The following ANKRD63 variants were observed in gnomAD, a reference collection of about 807,000 sequenced individuals.
ANKRD63 encodes ankyrin repeat domain 63, also known as ankyrin repeat domain-containing protein 63.
ANKRD63 carries 18 observed loss-of-function variants against 21.2 expected under a neutral mutation model. That is an observed-to-expected ratio of 0.85 (90% CI 0.59 to 1.26). The LOEUF (loss-of-function observed/expected upper bound fraction) is 1.26, where lower values mean the gene tolerates loss of function less well. Among genes scored for constraint, ANKRD63 ranks in the 50% most tolerant of loss-of-function variants. The pLI, the probability that ANKRD63 is intolerant of heterozygous loss-of-function variation, is 0.00. For synonymous variants in ANKRD63, 322 were observed against 273.3 expected, an observed-to-expected ratio of 1.18 and a Z score of -1.76; for missense variants, 523 against 570.9, an observed-to-expected ratio of 0.92 and a Z score of 0.85.
Position 40,281,598 on chromosome 15 carries a change from C to A in ANKRD63, c.989G>T (p.Arg330Leu), listed in dbSNP as rs1487648192. The change falls in exon 1 of 1, where the codon CGC (arginine) becomes CTC (leucine). Residue 330 changes from arginine to leucine, a missense_variant. By Grantham distance (102) the Arg-to-Leu change is moderately radical. Coordinates refer to ENST00000434396, the MANE Select transcript of ANKRD63 (RefSeq NM_001190479.3). ...GCTGGGGATATCTGGGGCTGTGGAG[C>A]GTCGGCGCAAACCCAGGCGGCCAGA... ...PGSGRLGLRR[R>L]STAPDIPSLV... 1.3e-6 allele frequency: 2 copies of A among 1,530,740 alleles called. No individual in the cohort carries two copies. Among genetic ancestry groups the A allele is most frequent in the African/African-American group, 1.4e-5 (1 of 72,706 alleles). 94.8% of individuals were successfully genotyped at this position (1,530,740 alleles called of 1,614,324 possible). A position where few individuals can be genotyped will look rare whatever the true frequency, so the allele number is the denominator to read the frequency against.
At position 40,278,457 on chromosome 15, in the gene ANKRD63, G is replaced by A. The variant is rs1216497146; in HGVS notation, c.*2987C>T. 6.6e-6 allele frequency: 1 copy of A among 152,252 alleles called. No individual in the cohort carries two copies. The highest frequency in any genetic ancestry group is 1.5e-5 in the Non-Finnish European group (1 of 68,056). 9.4% of individuals were successfully genotyped at this position (152,252 alleles called of 1,614,324 possible). A position where few individuals can be genotyped will look rare whatever the true frequency, so the allele number is the denominator to read the frequency against. On this transcript the variant is annotated 3_prime_UTR_variant, in exon 1 of 1. Transcript: ENST00000434396. ...CCACACAGTATCACTCTGAAAGGGT[G>A]TGCATGTCTCACAGCTCACACACAC...
rs1222140335 is a variant in ANKRD63 at position 40,281,394 on chromosome 15, G to A, written c.*50C>T. On this transcript the variant is annotated 3_prime_UTR_variant, in exon 1 of 1. Coordinates refer to ENST00000434396, the MANE Select transcript of ANKRD63 (RefSeq NM_001190479.3). ...GGACCTAGAAGAGAGAAATACCAGT[G>A]GAGTAGAAACGGGAGGGTAGGGGAA... 2.3e-6 allele frequency: 3 copies of A among 1,327,966 alleles called. No individual in the cohort carries two copies. Among genetic ancestry groups the A allele is most frequent in the Non-Finnish European group, 2.9e-6 (3 of 1,034,410 alleles). The allele number at this position is 1,327,966 out of a possible 1,614,324, so 82.3% of individuals were successfully genotyped here.
rs1333677099 is a variant in ANKRD63 at position 40,281,727 on chromosome 15, G to A, written c.860C>T (p.Ser287Leu). 2 of 1,534,990 alleles carry A rather than the reference G, an allele frequency of 1.3e-6. No individual in the cohort carries two copies. The highest frequency in any genetic ancestry group is 2.4e-5 in the East Asian group (1 of 40,898). The change falls in exon 1 of 1, where the codon TCG (serine) becomes TTG (leucine). Residue 287 changes from serine to leucine, a missense_variant. Physicochemically the swap from Ser to Leu is moderately radical, Grantham distance 145. Coordinates refer to ENST00000434396, the MANE Select transcript of ANKRD63 (RefSeq NM_001190479.3). ...CTGTGAGCGCCACCGCCCAGTCCCCGAAGACTGGGGCGAGTTTGGTAGGGC... is the reference window on the plus strand; with the variant it reads ...CTGTGAGCGCCACCGCCCAGTCCCCAAAGACTGGGGCGAGTTTGGTAGGGC... ...LMALPNSPQS[S>L]GTGRWRSQEV...
rs775792790 is a variant in ANKRD63, at chr15:40,281,711, C to T, written c.876G>A (p.Trp292Ter). The change falls in exon 1 of 1, where the codon TGG (tryptophan) becomes TGA (stop). Residue 292 changes from tryptophan (W) to a stop codon, truncating the protein, a stop_gained. Coordinates refer to ENST00000434396, the MANE Select transcript of ANKRD63 (RefSeq NM_001190479.3). LOFTEE classifies it high-confidence loss of function. ...CTCCCTCCAGCACCTCCTGTGAGCGCCACCGCCCAGTCCCCGAAGACTGGG... is the reference window on the plus strand; with the variant it reads ...CTCCCTCCAGCACCTCCTGTGAGCGTCACCGCCCAGTCCCCGAAGACTGGG... ...NSPQSSGTGR[W>*]RSQEVLEGAP... is the part of the protein sequence containing the mutation. 6.5e-7 allele frequency: 1 copy of T among 1,534,958 alleles called. No individual in the cohort carries two copies. Among genetic ancestry groups the T allele is most frequent in the South Asian group, 1.2e-5 (1 of 83,994 alleles).
rs914931847 is a variant in ANKRD63, at chr15:40,279,988, G to A, written c.*1456C>T. Among the ~76,000 whole-genome samples, 7 of 152,250 alleles carry A rather than the reference G, an allele frequency of 4.6e-5. No individual in the cohort carries two copies. The highest frequency in any genetic ancestry group is 1.7e-4 in the African/African-American group (7 of 41,470). Reference sequence around the variant, plus strand: ...CCAACCCCGCCGCCTCGCTAGGCCAGTATAGGGCAGGAGGGTGGGGGCGAG... The same window carrying A: ...CCAACCCCGCCGCCTCGCTAGGCCAATATAGGGCAGGAGGGTGGGGGCGAG... On this transcript the variant is annotated 3_prime_UTR_variant, in exon 1 of 1. Transcript: ENST00000434396.
At position 40,279,917 on chromosome 15, in the gene ANKRD63, C is replaced by A. The variant is rs1026202469; in HGVS notation, c.*1527G>T. ...CCAGGCGCACTGACACACGTGCTGG[C>A]GCTTCCGCAAGGTCCTAGCGCACCC... On this transcript the variant is annotated 3_prime_UTR_variant, in exon 1 of 1. Coordinates refer to ENST00000434396, the MANE Select transcript of ANKRD63 (RefSeq NM_001190479.3). Among the ~76,000 whole-genome samples, 60 of 152,230 alleles carry A rather than the reference C, an allele frequency of 3.9e-4. No homozygotes were observed. Among genetic ancestry groups the A allele is most frequent in the Non-Finnish European group, 6.9e-4 (47 of 68,042 alleles).
Position 40,280,517 on chromosome 15 carries a change from T to A in ANKRD63, c.*927A>T, listed in dbSNP as rs558263582. Among the ~76,000 whole-genome samples the A allele has an allele frequency of 1.3e-5, 2 of 152,372 alleles. No individual in the cohort carries two copies. The highest frequency in any genetic ancestry group is 3.9e-4 in the East Asian group (2 of 5,190). ...GTTCCACCCCGCGGGAGCACCCACG[T>A]GCGGGACGGGGGAGCTGGGAGGCGT... On this transcript the variant is annotated 3_prime_UTR_variant, in exon 1 of 1. Transcript: ENST00000434396.
rs371979947 is a variant in ANKRD63 at position 40,279,983 on chromosome 15, G to A, written c.*1461C>T. Among the ~76,000 whole-genome samples, 2 of 152,330 alleles carry A rather than the reference G, an allele frequency of 1.3e-5. No homozygotes were observed. Among genetic ancestry groups the A allele is most frequent in the African/African-American group, 4.8e-5 (2 of 41,578 alleles). On this transcript the variant is annotated 3_prime_UTR_variant, in exon 1 of 1. Coordinates refer to ENST00000434396, the MANE Select transcript of ANKRD63 (RefSeq NM_001190479.3). ...CGCCCCCAACCCCGCCGCCTCGCTA[G>A]GCCAGTATAGGGCAGGAGGGTGGGG...
Position 40,279,873 on chromosome 15 carries a change from C to T in ANKRD63, c.*1571G>A, listed in dbSNP as rs1317973644. 6.6e-6 allele frequency among the ~76,000 whole-genome samples: 1 copy of T among 152,244 alleles called. No individual in the cohort carries two copies. Among genetic ancestry groups the T allele is most frequent in the East Asian group, 1.9e-4 (1 of 5,198 alleles). On this transcript the variant is annotated 3_prime_UTR_variant, in exon 1 of 1. Coordinates refer to ENST00000434396, the MANE Select transcript of ANKRD63 (RefSeq NM_001190479.3). ...CCTCAGGGTTCACAAAAGAGCCCCACCTGCCGCCTCCCCGCGGGCCAGGCG... is the reference window on the plus strand; with the variant it reads ...CCTCAGGGTTCACAAAAGAGCCCCATCTGCCGCCTCCCCGCGGGCCAGGCG...
chr15:40,280,833 C>G lies in ANKRD63; in HGVS notation c.*611G>C, dbSNP rs951414717. 2.0e-4 allele frequency among the ~76,000 whole-genome samples: 30 copies of G among 152,258 alleles called. No individual in the cohort carries two copies. Among genetic ancestry groups the G allele is most frequent in the African/African-American group, 7.2e-4 (30 of 41,468 alleles). On this transcript the variant is annotated 3_prime_UTR_variant, in exon 1 of 1. Transcript: ENST00000434396. ...GTGTTCAACACTAGGGACTCTCCCA[C>G]TCCCAAAATATGCTTTCATTGTCTT...
In ANKRD63 at chr15:40,281,423, G is replaced by A; in HGVS notation, c.*21C>T. On this transcript the variant is annotated 3_prime_UTR_variant, in exon 1 of 1. Transcript: ENST00000434396. Reference sequence around the variant, plus strand: ...TAGAAACGGGAGGGTAGGGGAAGCAGGCCTCGGGCCTTGGCGCCGTTTACC... The same window carrying A: ...TAGAAACGGGAGGGTAGGGGAAGCAAGCCTCGGGCCTTGGCGCCGTTTACC... 2 of 1,373,654 alleles carry A rather than the reference G, an allele frequency of 1.5e-6. No homozygotes were observed. The highest frequency in any genetic ancestry group is 2.9e-5 in the East Asian group (1 of 33,956). The allele number at this position is 1,373,654 out of a possible 1,614,324, so 85.1% of individuals were successfully genotyped here.
At position 40,283,048 on chromosome 15, in the gene ANKRD63, G is replaced by A. The variant is rs990970821; in HGVS notation, c.-462C>T. 1.3e-5 allele frequency among the ~76,000 whole-genome samples: 2 copies of A among 152,220 alleles called. No homozygotes were observed. The highest frequency in any genetic ancestry group is 4.8e-5 in the African/African-American group (2 of 41,470). On this transcript the variant is annotated 5_prime_UTR_variant, in exon 1 of 1. Coordinates refer to ENST00000434396, the MANE Select transcript of ANKRD63 (RefSeq NM_001190479.3). ...GTGCACGCCTGCCTCCAGCCCTGGC[G>A]GGGCGCGCCGCTCCTCAAGCTGCTG...
In ANKRD63 at chr15:40,279,067, G is replaced by C. The variant is rs1406652872; in HGVS notation, c.*2377C>G. ...GTCAGAAAGCAGCAGTTTGCACTTG[G>C]GGTGTCCAGTGGTCCCCACCCTACC... On this transcript the variant is annotated 3_prime_UTR_variant, in exon 1 of 1. Coordinates refer to ENST00000434396, the MANE Select transcript of ANKRD63 (RefSeq NM_001190479.3). Among the ~76,000 whole-genome samples, 2 of 152,264 alleles carry C rather than the reference G, an allele frequency of 1.3e-5. No individual in the cohort carries two copies. Among genetic ancestry groups the C allele is most frequent in the Non-Finnish European group, 2.9e-5 (2 of 68,044 alleles).
At position 40,280,993 on chromosome 15, in the gene ANKRD63, TTTGTGGG is replaced by T. The variant is rs1392070592; in HGVS notation, c.*444_*450del. On this transcript the variant is annotated 3_prime_UTR_variant, in exon 1 of 1. Transcript: ENST00000434396. ...TTGGAGGGAAAGGAGACTTTGGTAG[TTTGTGGG>T]ATTATTGTCAGCATCAGTAGGCAGA... 1.3e-5 allele frequency among the ~76,000 whole-genome samples: 2 copies of T among 152,268 alleles called. No individual in the cohort carries two copies. The highest frequency in any genetic ancestry group is 4.8e-5 in the African/African-American group (2 of 41,534).
rs1005599496 is a variant in ANKRD63 at position 40,281,273 on chromosome 15, G to A, written c.*171C>T. On this transcript the variant is annotated 3_prime_UTR_variant, in exon 1 of 1. Transcript: ENST00000434396. ...GAGGAGCACAAAAAAGAAGATGGAG[G>A]TCCCTTATTTCTGGTGGAGGGCTGG... Among the ~76,000 whole-genome samples the A allele has an allele frequency of 3.3e-5, 5 of 152,352 alleles. No individual in the cohort carries two copies. The highest frequency in any genetic ancestry group is 3.4e-3 in the Middle Eastern group (1 of 294).
At position 40,281,971 on chromosome 15, in the gene ANKRD63, G is replaced by A; in HGVS notation, c.616C>T (p.His206Tyr). The A allele has an allele frequency of 8.1e-7, 1 of 1,238,672 alleles. No individual in the cohort carries two copies. Among genetic ancestry groups the A allele is most frequent in the Non-Finnish European group, 1.0e-6 (1 of 992,942 alleles). The allele number at this position is 1,238,672 out of a possible 1,614,324, so 76.7% of individuals were successfully genotyped here. ...AGGCGGCGGGGGCTGGGTCGTCGATGCTCGGGGCTGGCCGCGGGGGCCGGG... is the reference window on the plus strand; with the variant it reads ...AGGCGGCGGGGGCTGGGTCGTCGATACTCGGGGCTGGCCGCGGGGGCCGGG... ...GRPAPAASPEHRRPSPRRLPR... is the reference protein window; with the variant it reads ...GRPAPAASPEYRRPSPRRLPR... The change falls in exon 1 of 1, where the codon CAT (histidine) becomes TAT (tyrosine). Residue 206 changes from histidine to tyrosine, a missense_variant. Transcript: ENST00000434396.
In ANKRD63 at chr15:40,279,839, AAGTTCCACCCTCAG is replaced by A. The variant is rs932354794; in HGVS notation, c.*1591_*1604del. 2.6e-5 allele frequency among the ~76,000 whole-genome samples: 4 copies of A among 152,266 alleles called. No homozygotes were observed. The highest frequency in any genetic ancestry group is 9.6e-5 in the African/African-American group (4 of 41,476). ...TTACTGCAGGCAGGTGAAAGGCTTC[AAGTTCCACCCTCAG>A]GGTTCACAAAAGAGCCCCACCTGCC... On this transcript the variant is annotated 3_prime_UTR_variant, in exon 1 of 1. Coordinates refer to ENST00000434396, the MANE Select transcript of ANKRD63 (RefSeq NM_001190479.3).
chr15:40,281,945 G>T lies in ANKRD63; in HGVS notation c.642C>A (p.Leu214=). 7.6e-7 allele frequency: 1 copy of T among 1,313,222 alleles called. No homozygotes were observed. Among genetic ancestry groups the T allele is most frequent in the Non-Finnish European group, 9.7e-7 (1 of 1,035,172 alleles). The allele number at this position is 1,313,222 out of a possible 1,614,324, so 81.3% of individuals were successfully genotyped here. ...PEHRRPSPRR[L]PRPLLARFAR... Reference sequence around the variant, plus strand: ...CAAAGCGCGCCAGGAGAGGCCGCGGGAGGCGGCGGGGGCTGGGTCGTCGAT... The same window carrying T: ...CAAAGCGCGCCAGGAGAGGCCGCGGTAGGCGGCGGGGGCTGGGTCGTCGAT... Residue 214 remains leucine, a synonymous_variant, in exon 1 of 1, where the codon CTC becomes CTA. Coordinates refer to ENST00000434396, the MANE Select transcript of ANKRD63 (RefSeq NM_001190479.3).
Position 40,281,315 on chromosome 15 carries a change from G to T in ANKRD63, c.*129C>A. ...GAGGGCTGGTGGAGGTCTCGCCTTG[G>T]CAGGGAGGCAGGTTCCAAAATGGAC... On this transcript the variant is annotated 3_prime_UTR_variant, in exon 1 of 1. Coordinates refer to ENST00000434396, the MANE Select transcript of ANKRD63 (RefSeq NM_001190479.3). 1 of 708,658 alleles carries T rather than the reference G, an allele frequency of 1.4e-6. No homozygotes were observed. The highest frequency in any genetic ancestry group is 2.1e-6 in the Non-Finnish European group (1 of 485,566). 43.9% of individuals were successfully genotyped at this position (708,658 alleles called of 1,614,324 possible).
Sources: allele counts gnomAD v4.1 joint callset (sites outside exome capture counted in the v4.1 genomes callset), GRCh38; gene constraint gnomAD v4.1.1; transcripts MANE v1.5; gene names NCBI Gene and HGNC (gene_info 2026-07-23, HGNC 2026-07-21).